The following LINGO1 variants were observed in gnomAD, a reference collection of about 807,000 sequenced individuals.
LINGO1 encodes the protein leucine-rich repeat and immunoglobulin-like domain-containing nogo receptor-interacting protein 1.
Under a neutral mutation model 37.3 loss-of-function variants are expected in LINGO1, and 11 were observed. The observed-to-expected ratio is 0.29, with a 90% CI of 0.19 to 0.49. The LOEUF (loss-of-function observed/expected upper bound fraction) is 0.49, where lower values mean the gene tolerates loss of function less well. Among genes scored for constraint, LINGO1 ranks in the 20% least tolerant of loss-of-function variants. The pLI, the probability that LINGO1 is intolerant of heterozygous loss-of-function variation, is 0.99. For synonymous variants in LINGO1, 387 were observed against 403.0 expected, an observed-to-expected ratio of 0.96 and a Z score of 0.48; for missense variants, 585 against 878.2, an observed-to-expected ratio of 0.67 and a Z score of 4.22.
chr15:77,679,877 G>A (rs1418489220), intron 2 of LINGO1, among the ~76,000 whole-genome samples: 1 of 152,210 alleles, frequency 6.6e-6, no homozygotes, highest in Non-Finnish European at 1.5e-5. Flanking sequence ...CCCAGGTGGA[G>A]AGAATAAACA....
intron 1 of LINGO1, among the ~76,000 whole-genome samples, chr15:77,761,810 G>A (rs781442234): frequency 6.6e-6 from 1 of 152,224 alleles, no homozygotes; most frequent in South Asian, 2.1e-4. Flanking sequence ...GGCATCAGAA[G>A]AGATGACCCA....
chr15:77,779,917 C>T lies in LINGO1; in HGVS notation c.-257+6952G>A, dbSNP rs116442672. ...CATGGAGCCAGGCACCAGGAGGATACTGGAACCCAGTGGTGAGCCAGACAC... is the reference window on the plus strand; with the variant it reads ...CATGGAGCCAGGCACCAGGAGGATATTGGAACCCAGTGGTGAGCCAGACAC... On this transcript the variant is annotated intron_variant, in intron 1 of 3. Transcript: ENST00000561686. 3.7e-3 allele frequency among the ~76,000 whole-genome samples: 570 copies of T among 152,310 alleles called. 3 individuals carry two copies. The highest frequency in any genetic ancestry group is 0.013 in the African/African-American group (544 of 41,560).
intron 1 of LINGO1, among the ~76,000 whole-genome samples, chr15:77,816,918 A>G (rs745870331): frequency 1.3e-5 from 2 of 152,128 alleles, no homozygotes; most frequent in African/African-American, 2.4e-5. Flanking sequence ...TTTGGTCAAC[A>G]CTCAGGAGGC....
rs371271745 is a variant in LINGO1, at chr15:77,755,292, G to C, written c.-256-20239C>G. Among the ~76,000 whole-genome samples the C allele has an allele frequency of 4.2e-4, 64 of 152,370 alleles. No individual in the cohort carries two copies. The East Asian group carries it at 8.1e-3, about 19-fold the overall frequency. Reference sequence around the variant, plus strand: ...GGAAGCTCCCCAGGCCAGGCACAGAGTCTTACTCAAAAGAGGGAACTCTGG... The same window carrying C: ...GGAAGCTCCCCAGGCCAGGCACAGACTCTTACTCAAAAGAGGGAACTCTGG... On this transcript the variant is annotated intron_variant, in intron 1 of 3. Coordinates refer to the LINGO1 transcript ENST00000561686.
rs141161338 is a variant in LINGO1, at chr15:77,762,976, C to T, written c.-257+23893G>A. 4.1e-3 allele frequency among the ~76,000 whole-genome samples: 622 copies of T among 152,296 alleles called. 3 individuals carry two copies. Among genetic ancestry groups the T allele is most frequent in the South Asian group, 0.02 (94 of 4,818 alleles). On this transcript the variant is annotated intron_variant, in intron 1 of 3. Coordinates refer to the LINGO1 transcript ENST00000561686. ...GTGCCTGGCACGTAGTAGGTGCTTACCAGATGTCTGAGGAACAAATGGAAG... is the reference window on the plus strand; with the variant it reads ...GTGCCTGGCACGTAGTAGGTGCTTATCAGATGTCTGAGGAACAAATGGAAG...
At chr15:77,743,680 A>C (rs956372724) in intron 1 of LINGO1, among the ~76,000 whole-genome samples, 1 of 152,004 alleles carries the variant, frequency 6.6e-6, no homozygotes, top group Non-Finnish European at 1.5e-5. Context: ...CTGGCTGGGG[A>C]GTTATTCTCG....
chr15:77,664,306 C>G (rs909967572), intron 3 of LINGO1, among the ~76,000 whole-genome samples: 2 of 152,088 alleles, frequency 1.3e-5, no homozygotes, highest in Non-Finnish European at 2.9e-5. Flanking sequence ...AGCTGAAATA[C>G]GCTCTTGACA....
chr15:77,776,995 T>C (rs897131522), intron 1 of LINGO1, among the ~76,000 whole-genome samples: 1 of 152,154 alleles, frequency 6.6e-6, no homozygotes, highest in African/African-American at 2.4e-5. Flanking sequence ...TTAGAGCCAC[T>C]ACCAGCCTGG....
At chr15:77,801,370 A>G (rs1390673700) in intron 1 of LINGO1, among the ~76,000 whole-genome samples, 1 of 152,236 alleles carries the variant, frequency 6.6e-6, no homozygotes, top group Non-Finnish European at 1.5e-5. Flanking sequence ...GTATAACAAT[A>G]GAGAAAAAAT....
intron 1 of LINGO1, chr15:77,696,142 A>C (rs1443936130): frequency 6.6e-6 from 1 of 152,222 alleles, no homozygotes; most frequent in African/African-American, 2.4e-5. Flanking sequence ...ATGGGGAATT[A>C]TCCTCTGAAG....
intron 3 of LINGO1, among the ~76,000 whole-genome samples, chr15:77,673,906 A>G (rs985154103): frequency 3.3e-5 from 5 of 152,062 alleles, no homozygotes; most frequent in African/African-American, 1.2e-4. Flanking sequence ...GGCTTCCTTT[A>G]ACGCTCTATT....
intron 1 of LINGO1, among the ~76,000 whole-genome samples, chr15:77,769,430 G>A (rs1054874536): frequency 6.6e-6 from 1 of 152,114 alleles, no homozygotes; most frequent in Admixed American, 6.5e-5. Flanking sequence ...CCTCCCACTC[G>A]CACACCCTGG....
intron 3 of LINGO1, chr15:77,646,228 CA>C (rs1309054401): frequency 1.8e-5 from 5 of 277,900 alleles, no homozygotes; most frequent in Non-Finnish European, 3.6e-5. Context: ...TGTCTAGCTG[CA>C]CATCAAGGAA....
intron 1 of LINGO1, among the ~76,000 whole-genome samples, chr15:77,816,094 C>T (rs1240950123): frequency 6.6e-6 from 1 of 152,208 alleles, no homozygotes; most frequent in Non-Finnish European, 1.5e-5. Context: ...AGGTCAAGGC[C>T]CCGCCAGTCC....
intron 1 of LINGO1, among the ~76,000 whole-genome samples, chr15:77,777,456 T>TAC (rs202007169): frequency 0.15 from 10,346 of 68,184 alleles, 435 homozygotes; most frequent in Middle Eastern, 0.29. Context: ...TTTGGACATA[T>TAC]ACACACACGC....
chr15:77,722,669 G>C lies in LINGO1; in HGVS notation c.-195+12323C>G, dbSNP rs530033560. Among the ~76,000 whole-genome samples, 221 of 152,288 alleles carry C rather than the reference G, an allele frequency of 1.5e-3. 1 individual carries two copies. Among genetic ancestry groups the C allele is most frequent in the Non-Finnish European group, 2.3e-3 (158 of 68,036 alleles). ...GGTATCACGGTTCTGTCTTTTAAAG[G>C]GTCCTCATCTTTTAGAGATATGCGC... is the stretch of plus-strand genomic sequence containing the variant. On this transcript the variant is annotated intron_variant, in intron 2 of 3. Coordinates refer to the LINGO1 transcript ENST00000561686.
chr15:77,629,975 CG>C (rs746636146), intron 1 of LINGO1, among the ~76,000 whole-genome samples: 84 of 151,612 alleles, frequency 5.5e-4, no homozygotes, highest in Non-Finnish European at 1.0e-3. Context: ...TGAGGGGATG[CG>C]GGGCCAAGCC....
At chr15:77,625,933 G>A (rs1039487925) in intron 1 of LINGO1, among the ~76,000 whole-genome samples, 3 of 152,108 alleles carry the variant, frequency 2.0e-5, no homozygotes, top group Non-Finnish European at 4.4e-5. Context: ...CATTTATATC[G>A]AGCACACACA....
chr15:77,689,144 G>C (rs1195271057), intron 2 of LINGO1, among the ~76,000 whole-genome samples: 3 of 152,224 alleles, frequency 2.0e-5, no homozygotes, highest in South Asian at 4.1e-4. Flanking sequence ...TGAAGGTTGA[G>C]AGAAGAGGAA....
Sources: gnomAD v4.1 joint callset for allele counts (sites outside exome capture counted in the v4.1 genomes callset) on GRCh38, gnomAD v4.1.1 for gene constraint, MANE v1.5 for transcripts, NCBI Gene and HGNC (gene_info 2026-07-23, HGNC 2026-07-21) for gene names.